Variants in SKAP2 observed in about 807,000 individuals in gnomAD.
The protein encoded by SKAP2 is src kinase-associated phosphoprotein 2.
A neutral mutation model predicts 54.9 loss-of-function variants in SKAP2; 28 were observed. That is an observed-to-expected ratio of 0.51 (90% confidence interval 0.38 to 0.70). The LOEUF is 0.70. Among genes scored for constraint, SKAP2 ranks in the 30% least tolerant of loss-of-function variants. The pLI is 0.00. For synonymous variants in SKAP2, 137 were observed against 134.3 expected, an observed-to-expected ratio of 1.02 and a Z score of -0.14; for missense variants, 356 against 424.1, an observed-to-expected ratio of 0.84 and a Z score of 1.41.
chr7:26,690,504 C>T (rs184805114), intron 9 of SKAP2, 142 bp from the exon 10 acceptor site: 3 of 574,526 alleles, frequency 5.2e-6, no homozygotes, highest in Non-Finnish European at 9.2e-6. Flanking sequence ...TCAAGATTCA[C>T]AGTCCTTTTT....
chr7:26,842,479 T>A (rs1165678474), intron 4 of SKAP2, among the ~76,000 whole-genome samples: 5 of 151,860 alleles, frequency 3.3e-5, no homozygotes, highest in East Asian at 1.9e-4. Flanking sequence ...GATATTTAAT[T>A]GTTGAATTTC....
intron 4 of SKAP2, among the ~76,000 whole-genome samples, chr7:26,743,948 C>G (rs1584363730): frequency 6.6e-6 from 1 of 152,074 alleles, no homozygotes; most frequent in African/African-American, 2.4e-5. Flanking sequence ...AAAGATAACT[C>G]AAGAATTCTA....
intron 4 of SKAP2, among the ~76,000 whole-genome samples, chr7:26,769,887 C>A (rs1783146683): frequency 6.6e-6 from 1 of 152,238 alleles, no homozygotes; most frequent in Non-Finnish European, 1.5e-5. Context: ...AGGTGTCTGT[C>A]GACCCCTGCT....
chr7:26,656,245 T>G, the SKAP2 span, among the ~76,000 whole-genome samples: 1 of 152,212 alleles, frequency 6.6e-6, no homozygotes, highest in South Asian at 2.1e-4. Context: ...AATACCTTCT[T>G]GCACTAATTA....
At chr7:26,707,647 G>A (rs1297783894) in intron 9 of SKAP2, among the ~76,000 whole-genome samples, 2 of 152,162 alleles carry the variant, frequency 1.3e-5, no homozygotes, top group Admixed American at 1.3e-4. Context: ...TTTGCATGGT[G>A]GGGTTGAGGC....
intron 4 of SKAP2, among the ~76,000 whole-genome samples, chr7:26,766,773 T>C (rs1331920286): frequency 1.3e-5 from 2 of 152,238 alleles, no homozygotes; most frequent in South Asian, 2.1e-4. Context: ...ATTATGTTTA[T>C]TGATTTGCAT....
intron 9 of SKAP2, among the ~76,000 whole-genome samples, chr7:26,690,906 A>G (rs139092117): frequency 1.3e-3 from 198 of 152,340 alleles, no homozygotes; most frequent in African/African-American, 4.6e-3. Flanking sequence ...TGAGTATCAC[A>G]TAATTTCATA....
At chr7:26,690,768 C>T (rs746173413) in intron 9 of SKAP2, among the ~76,000 whole-genome samples, 6 of 152,256 alleles carry the variant, frequency 3.9e-5, no homozygotes, top group Non-Finnish European at 7.4e-5. Context: ...TAACACCCAG[C>T]GTTATACTGA....
rs554692940 is a variant in SKAP2, at chr7:26,697,739, AAAAT to A, written c.797-7381_797-7378del. Among the ~76,000 whole-genome samples, 8 of 152,250 alleles carry A rather than the reference AAAAT, an allele frequency of 5.3e-5. No individual in the cohort carries two copies. In the South Asian group the frequency reaches 6.2e-4, roughly 12 times the overall value. ...TGAAAGTCAGAAAATAGAGATAAGC[AAAAT>A]AAATAAATAAATCATCCATGATCCA... On this transcript the variant is annotated intron_variant, in intron 9 of 12. Coordinates refer to ENST00000345317, the MANE Select transcript of SKAP2 (RefSeq NM_003930.5).
At chr7:26,864,201 A>G (rs1258241489) in intron 1 of SKAP2, among the ~76,000 whole-genome samples, 162 bp downstream of exon 1, 2 of 152,060 alleles carry the variant, frequency 1.3e-5, no homozygotes, top group African/African-American at 4.8e-5. Context: ...TTTCTGAGAC[A>G]AAACAACCCC....
intron 4 of SKAP2, among the ~76,000 whole-genome samples, chr7:26,761,671 G>T (rs1229000241): frequency 6.6e-6 from 1 of 152,204 alleles, no homozygotes; most frequent in African/African-American, 2.4e-5. Flanking sequence ...GGCCGAGGTG[G>T]TCGGACTGCC....
At chr7:26,804,845 T>C (rs1463159311) in intron 4 of SKAP2, among the ~76,000 whole-genome samples, 3 of 151,956 alleles carry the variant, frequency 2.0e-5, no homozygotes, top group Non-Finnish European at 4.4e-5. Context: ...CACCATCAAC[T>C]AGTAAAAAGA....
rs888606674 is a variant in SKAP2 at position 26,828,817 on chromosome 7, A to G, written c.307+15213T>C. The stretch of plus-strand genomic sequence containing the variant: ...CGGGGTGGGCAGATCACCTGAGATC[A>G]GGAGTTCAAGACCAGCCTGGCCAAC... On this transcript the variant is annotated intron_variant, in intron 4 of 12. Coordinates refer to ENST00000345317, the MANE Select transcript of SKAP2 (RefSeq NM_003930.5). 1.5e-4 allele frequency among the ~76,000 whole-genome samples: 23 copies of G among 152,006 alleles called. 1 individual carries two copies. Among genetic ancestry groups the G allele is most frequent in the Admixed American group, 9.8e-4 (15 of 15,260 alleles).
intron 4 of SKAP2, among the ~76,000 whole-genome samples, chr7:26,764,342 T>C (rs193295396): frequency 3.9e-4 from 59 of 152,206 alleles, no homozygotes; most frequent in African/African-American, 1.4e-3. Context: ...GAAGAAAACA[T>C]AGATCAGGAA....
At chr7:26,720,658 G>C (rs1787559081) in intron 9 of SKAP2, among the ~76,000 whole-genome samples, 1 of 152,088 alleles carries the variant, frequency 6.6e-6, no homozygotes, top group African/African-American at 2.4e-5. Flanking sequence ...GGAGGCCTGA[G>C]GAAACTTACA....
the SKAP2 span, among the ~76,000 whole-genome samples, chr7:26,658,715 C>A: frequency 6.6e-6 from 1 of 152,084 alleles, no homozygotes; most frequent in African/African-American, 2.4e-5. Flanking sequence ...ATAGGTAATG[C>A]AAATGCATAG....
At chr7:26,766,880 T>C (rs891228542) in intron 4 of SKAP2, among the ~76,000 whole-genome samples, 1 of 152,350 alleles carries the variant, frequency 6.6e-6, no homozygotes, top group African/African-American at 2.4e-5. Flanking sequence ...CAGTATTTTA[T>C]TGATGATTTT....
chr7:26,776,725 G>C (rs1783318294), intron 4 of SKAP2, among the ~76,000 whole-genome samples: 1 of 151,998 alleles, frequency 6.6e-6, no homozygotes, highest in South Asian at 2.1e-4. Flanking sequence ...GTATTTCAAG[G>C]CCATTCTCCA....
chr7:26,761,875 G>A (rs1782939354), intron 4 of SKAP2, among the ~76,000 whole-genome samples: 1 of 152,260 alleles, frequency 6.6e-6, no homozygotes, highest in African/African-American at 2.4e-5. Context: ...GCTCTAGCCA[G>A]GGCGACAGAG....
Sources: gnomAD v4.1 joint callset for allele counts (sites outside exome capture counted in the v4.1 genomes callset) on GRCh38, gnomAD v4.1.1 for gene constraint, MANE v1.5 for transcripts, NCBI Gene and HGNC (gene_info 2026-07-23, HGNC 2026-07-21) for gene names.